ZIM2: variants seen among roughly 807,000 people sequenced by gnomAD.
ZIM2 encodes the protein zinc finger imprinted 2.
Under a neutral mutation model 38.6 loss-of-function variants are expected in ZIM2, and 14 were observed. The ratio of observed to expected loss-of-function variants is 0.36; its 90% confidence interval spans 0.24 to 0.57. The LOEUF (loss-of-function observed/expected upper bound fraction) is 0.57, where lower values mean the gene tolerates loss of function less well. Among genes scored for constraint, ZIM2 ranks in the 20% least tolerant of loss-of-function variants. The pLI, the probability that ZIM2 is intolerant of heterozygous loss-of-function variation, is 0.81. For missense variants in ZIM2, 680 were observed against 695.1 expected (o/e 0.98, Z 0.24); for synonymous variants, 247 against 245.8 (o/e 1.00, Z -0.04).
chr19:56,817,189 C>T, intron 9 of ZIM2: 1 of 1,614,230 alleles, frequency 6.2e-7, no homozygotes, highest in Non-Finnish European at 8.5e-7. Context: ...CTCACTACCA[C>T]ATTCAAAGGG....
chr19:56,779,231 G>A, intron 12 of ZIM2, 146 bp downstream of exon 12: 1 of 669,806 alleles, frequency 1.5e-6, no homozygotes, highest in Non-Finnish European at 2.5e-6. Flanking sequence ...TGAAGAGATG[G>A]GCTTCAGAAA....
intron 10 of ZIM2, among the ~76,000 whole-genome samples, chr19:56,784,276 T>A (rs1170127351): frequency 6.6e-6 from 1 of 152,224 alleles, no homozygotes; most frequent in African/African-American, 2.4e-5. Flanking sequence ...GCAATCTCAG[T>A]TTTTCATAAC....
At chr19:56,809,661 A>G (rs2047967603) in intron 9 of ZIM2, among the ~76,000 whole-genome samples, 1 of 152,200 alleles carries the variant, frequency 6.6e-6, no homozygotes, top group African/African-American at 2.4e-5. Context: ...CAGGATAATT[A>G]CCTTTTAACC....
rs147658889 is a variant in ZIM2 at position 56,824,274 on chromosome 19, A to T, written c.4T>A (p.Tyr2Asn). The stretch of plus-strand genomic sequence containing the variant: ...TGGAGACTCTCACCTTCTGGTTGGT[A>T]CATCTCCTTGTAATTCTCCAGCAGA... M[Y>N]QPEDDNNSDV... Residue 2 changes from tyrosine to asparagine, a missense_variant, in exon 4 of 13, where the codon TAC becomes AAC. Coordinates refer to ENST00000629319, the MANE Select transcript of ZIM2 (RefSeq NM_001387356.1). 6.2e-7 allele frequency: 1 copy of T among 1,613,794 alleles called. No homozygotes were observed. Among genetic ancestry groups the T allele is most frequent in the African/African-American group, 1.3e-5 (1 of 74,890 alleles).
At chr19:56,838,436 G>A (rs2062464363) in intron 1 of ZIM2, among the ~76,000 whole-genome samples, 1 of 152,156 alleles carries the variant, frequency 6.6e-6, no homozygotes, top group African/African-American at 2.4e-5. Flanking sequence ...AGCCCTATCA[G>A]TCCCGAGGAA....
intron 9 of ZIM2, among the ~76,000 whole-genome samples, chr19:56,807,265 A>T (rs2047803650): frequency 6.6e-6 from 1 of 152,230 alleles, no homozygotes; most frequent in Non-Finnish European, 1.5e-5. Flanking sequence ...CTGAAGACTA[A>T]TTCAAGATGA....
chr19:56,822,764 T>C lies in ZIM2; in HGVS notation c.179A>G (p.Asn60Ser). The C allele has an allele frequency of 1.2e-6, 2 of 1,614,112 alleles. No individual in the cohort carries two copies. The highest frequency in any genetic ancestry group is 1.7e-6 in the Non-Finnish European group (2 of 1,180,008). The change falls in exon 6 of 13, where the codon AAC (asparagine) becomes AGC (serine). Residue 60 changes from asparagine to serine, a missense_variant. Asn to Ser is a conservative substitution (Grantham distance 46, BLOSUM62 1). Coordinates refer to ENST00000629319, the MANE Select transcript of ZIM2 (RefSeq NM_001387356.1). ...TGGTTAAGACTCACTGCTTCTTGGG[T>C]TCCTGGTGTGGGACCAGCGGTCTCG... ...EPRDRWSHTR[N>S]PRSRMPPRDL...
chr19:56,824,223 G>A (rs1316519692), intron 4 of ZIM2, 39 bp downstream of exon 4: 1 of 1,600,066 alleles, frequency 6.2e-7, no homozygotes, highest in African/African-American at 1.3e-5. Context: ...GGACACCTGA[G>A]GCCTGCACTG....
intron 9 of ZIM2, chr19:56,817,140 GAGGCTGCTC>G (rs749578800): frequency 4.3e-6 from 7 of 1,614,082 alleles, no homozygotes; most frequent in South Asian, 2.2e-5. Flanking sequence ...AGGGGGAGCT[GAGGCTGCTC>G]AGGCTGCTCA....
At chr19:56,785,773 CA>C (rs2046566525) in intron 10 of ZIM2, among the ~76,000 whole-genome samples, 1 of 152,194 alleles carries the variant, frequency 6.6e-6, no homozygotes, top group African/African-American at 2.4e-5. Context: ...TTAATGTGCA[CA>C]CAAATCACCT....
chr19:56,815,639 C>T (rs769939656), intron 9 of ZIM2: 1 of 1,614,128 alleles, frequency 6.2e-7, no homozygotes, highest in African/African-American at 1.3e-5. Flanking sequence ...TTAGCACGAG[C>T]CTTCTGGTAT....
chr19:56,777,959 T>C (rs1288938155), intron 12 of ZIM2, among the ~76,000 whole-genome samples: 1 of 152,086 alleles, frequency 6.6e-6, no homozygotes, highest in East Asian at 1.9e-4. Context: ...CATTCCAATC[T>C]CAGGGCCCTG....
At position 56,815,137 on chromosome 19, in the gene ZIM2, G is replaced by T. The variant is rs760113517; in HGVS notation, c.490+2609C>A. 3.1e-6 allele frequency: 5 copies of T among 1,613,802 alleles called. No individual in the cohort carries two copies. In the African/African-American group the frequency reaches 6.7e-5, roughly 22 times the overall value. ...CTCACATTCATAGATTTTGTCATCAGGGTCATCCTTCTGAGGGTCTTCCAT... is the reference window on the plus strand; with the variant it reads ...CTCACATTCATAGATTTTGTCATCATGGTCATCCTTCTGAGGGTCTTCCAT... On this transcript the variant is annotated intron_variant, in intron 9 of 12. Transcript: ENST00000629319.
At chr19:56,822,885 T>C (rs1172444194) in intron 5 of ZIM2, 49 bp from the exon 6 acceptor site, 5 of 1,585,328 alleles carry the variant, frequency 3.2e-6, no homozygotes, top group Admixed American at 1.8e-5. Flanking sequence ...TTGACACACC[T>C]GTTTTCCCTG....
chr19:56,782,070 TC>T lies in ZIM2; in HGVS notation c.621del (p.Thr208ProfsTer28). On this transcript the variant is annotated frameshift_variant, in exon 11 of 13. Coordinates refer to ENST00000629319, the MANE Select transcript of ZIM2 (RefSeq NM_001387356.1). LOFTEE classifies it high-confidence loss of function. ...LGTFLVFEEL[V>X]TFEDVLVDFS... ...AAGTCCACAAGCACATCCTCGAAGG[TC>T]ACCAACTCCTCAAACACCAGAAATG... The T allele has an allele frequency of 6.2e-7, 1 of 1,613,968 alleles. No homozygotes were observed. Among genetic ancestry groups the T allele is most frequent in the Non-Finnish European group, 8.5e-7 (1 of 1,179,902 alleles).
rs577085492 is a variant in ZIM2, at chr19:56,817,249, G to A, written c.490+497C>T. 1.2e-5 allele frequency: 19 copies of A among 1,614,012 alleles called. No homozygotes were observed. The East Asian group carries it at 4.0e-4, about 34-fold the overall frequency. ...ATCGTGAATCGAGCCCTTCCCATCTGTGTCAAAATGATAGCGCCTCTTTCT... is the reference window on the plus strand; with the variant it reads ...ATCGTGAATCGAGCCCTTCCCATCTATGTCAAAATGATAGCGCCTCTTTCT... On this transcript the variant is annotated intron_variant, in intron 9 of 12. Transcript: ENST00000629319.
chr19:56,815,481 G>A lies in ZIM2; in HGVS notation c.490+2265C>T, dbSNP rs147562470. On this transcript the variant is annotated intron_variant, in intron 9 of 12. Transcript: ENST00000629319. Reference sequence around the variant, plus strand: ...GCTTCTCCCTATCATGAATCTTCTGGTGCTCAGTGAGGTCAGAGCTATGAG... The same window carrying A: ...GCTTCTCCCTATCATGAATCTTCTGATGCTCAGTGAGGTCAGAGCTATGAG... 9.9e-6 allele frequency: 16 copies of A among 1,613,884 alleles called. No homozygotes were observed. In the African/African-American group the frequency reaches 2.1e-4, roughly 22 times the overall value.
At chr19:56,776,825 C>T (rs1178302328) in intron 12 of ZIM2, among the ~76,000 whole-genome samples, 1 of 151,852 alleles carries the variant, frequency 6.6e-6, no homozygotes, top group African/African-American at 2.4e-5. Context: ...CGTCAGTAAA[C>T]GGGGAAGGGG....
At chr19:56,829,708 C>G (rs1228028077) in intron 2 of ZIM2, among the ~76,000 whole-genome samples, 1 of 152,242 alleles carries the variant, frequency 6.6e-6, no homozygotes, top group East Asian at 1.9e-4. Context: ...AACCCGTCCT[C>G]TACTTGCTGC....
Sources: allele counts gnomAD v4.1 joint callset (sites outside exome capture counted in the v4.1 genomes callset), GRCh38; gene constraint gnomAD v4.1.1; transcripts MANE v1.5; gene names NCBI Gene and HGNC (gene_info 2026-07-23, HGNC 2026-07-21).